SEMA3A: variants seen among roughly 807,000 people sequenced by gnomAD.
The protein encoded by SEMA3A is semaphorin 3A.
SEMA3A carries 29 observed loss-of-function variants against 97.9 expected under a neutral mutation model. The observed-to-expected ratio is 0.30, with a 90% CI of 0.22 to 0.40. SEMA3A has a LOEUF of 0.40. Among genes scored for constraint, SEMA3A ranks in the 10% least tolerant of loss-of-function variants. The pLI, the probability that SEMA3A is intolerant of heterozygous loss-of-function variation, is 1.00. For synonymous variants in SEMA3A, 321 were observed against 323.7 expected (o/e 0.99, Z 0.09); for missense variants, 763 against 951.3 (o/e 0.80, Z 2.60).
intron 4 of SEMA3A, among the ~76,000 whole-genome samples, chr7:84,091,281 AAAG>A (rs1324397681): frequency 1.5e-5 from 2 of 130,906 alleles, no homozygotes; most frequent in South Asian, 2.3e-4. Context: ...GAAAGAAAAG[AAAG>A]AAAGAAAGAA....
At chr7:84,386,689 T>C (rs1562928627) in intron 1 of SEMA3A, among the ~76,000 whole-genome samples, 1 of 152,150 alleles carries the variant, frequency 6.6e-6, no homozygotes, top group South Asian at 2.1e-4. Flanking sequence ...AAACAGGCAG[T>C]ATATTCCAAT....
At chr7:84,302,607 C>G (rs749548635) in intron 3 of SEMA3A, among the ~76,000 whole-genome samples, 2 of 152,068 alleles carry the variant, frequency 1.3e-5, no homozygotes. Flanking sequence ...TTTAATTTTA[C>G]TCATTGACAG....
At chr7:84,310,884 G>T (rs979991400) in intron 2 of SEMA3A, among the ~76,000 whole-genome samples, 1 of 151,808 alleles carries the variant, frequency 6.6e-6, no homozygotes, top group African/African-American at 2.4e-5. Context: ...TCATGAGAGG[G>T]TGGGAAGATG....
rs749889921 is a variant in SEMA3A at position 83,980,603 on chromosome 7, C to CAAAAAAA, written c.1652+711_1652+717dup. On this transcript the variant is annotated intron_variant, in intron 14 of 16. Transcript: ENST00000265362. Reference sequence around the variant, plus strand: ...CTGGTGACAGAGTGAGACTCCATCTCAAAAAAAAAAAAAAAAAAAAATATA... The same window carrying CAAAAAAA: ...CTGGTGACAGAGTGAGACTCCATCTCAAAAAAAAAAAAAAAAAAAAAAAAAAAATATA... Among the ~76,000 whole-genome samples the CAAAAAAA allele has an allele frequency of 5.4e-3, 292 of 53,952 alleles. 17 individuals carry two copies. The highest frequency in any genetic ancestry group is 6.7e-3 in the African/African-American group (92 of 13,796). The allele number at this position is 53,952 out of a possible 152,430, so 35.4% of individuals were successfully genotyped here. A position where few individuals can be genotyped will look rare whatever the true frequency, so the allele number is the denominator to read the frequency against.
At chr7:84,315,079 ACAAGT>A (rs1801461909) in intron 2 of SEMA3A, among the ~76,000 whole-genome samples, 1 of 152,156 alleles carries the variant, frequency 6.6e-6, no homozygotes, top group Non-Finnish European at 1.5e-5. Context: ...AATGAGATCA[ACAAGT>A]CAATCATTTC....
At chr7:84,248,601 T>C (rs1220032264) in intron 3 of SEMA3A, among the ~76,000 whole-genome samples, 2 of 152,176 alleles carry the variant, frequency 1.3e-5, no homozygotes, top group Non-Finnish European at 2.9e-5. Context: ...TTTAGCTCTA[T>C]TATCTATGAG....
At chr7:83,993,332 TTA>T (rs1476576145) in intron 12 of SEMA3A, among the ~76,000 whole-genome samples, 1 of 149,170 alleles carries the variant, frequency 6.7e-6, no homozygotes, top group African/African-American at 2.5e-5. Context: ...GTTAATATTG[TTA>T]TGTGTGAATT....
chr7:84,358,695 G>T (rs894693310), intron 2 of SEMA3A, among the ~76,000 whole-genome samples: 6 of 152,048 alleles, frequency 3.9e-5, no homozygotes, highest in Non-Finnish European at 8.8e-5. Context: ...TAGCTTGATG[G>T]GGATGGCATT....
intron 3 of SEMA3A, among the ~76,000 whole-genome samples, chr7:84,252,184 G>A (rs1330651261): frequency 6.6e-6 from 1 of 152,094 alleles, no homozygotes; most frequent in Non-Finnish European, 1.5e-5. Flanking sequence ...CAGAGACTTT[G>A]GTAAGTGTTC....
chr7:84,377,269 G>A (rs1355723590), intron 1 of SEMA3A, among the ~76,000 whole-genome samples: 1 of 151,994 alleles, frequency 6.6e-6, no homozygotes, highest in Non-Finnish European at 1.5e-5. Context: ...GACTTATTAA[G>A]GACACTGTCC....
At chr7:84,371,365 T>G (rs1471340925) in intron 2 of SEMA3A, among the ~76,000 whole-genome samples, 1 of 151,790 alleles carries the variant, frequency 6.6e-6, no homozygotes, top group African/African-American at 2.4e-5. Context: ...ATAATAACAT[T>G]TAGAATTGGC....
intron 1 of SEMA3A, among the ~76,000 whole-genome samples, chr7:84,391,053 G>T (rs569852197): frequency 3.3e-5 from 5 of 152,232 alleles, no homozygotes; most frequent in Admixed American, 6.5e-5. Context: ...TTAGAGCTTG[G>T]CAGGGTTAGA....
At chr7:84,310,865 A>T (rs1417226933) in intron 2 of SEMA3A, among the ~76,000 whole-genome samples, 1 of 151,836 alleles carries the variant, frequency 6.6e-6, no homozygotes, top group Non-Finnish European at 1.5e-5. Context: ...CTCGCCTTCC[A>T]TTTGTCTCTC....
chr7:84,402,441 C>T (rs986343968), intron 1 of SEMA3A, among the ~76,000 whole-genome samples: 2 of 152,078 alleles, frequency 1.3e-5, no homozygotes, highest in African/African-American at 4.8e-5. Flanking sequence ...TATGGACATT[C>T]CTCAAAAAAC....
chr7:84,414,276 C>T (rs528111505), intron 1 of SEMA3A, among the ~76,000 whole-genome samples: 27 of 151,894 alleles, frequency 1.8e-4, no homozygotes, highest in Non-Finnish European at 3.8e-4. Flanking sequence ...ACTCCCCTAA[C>T]CATTTCCATT....
chr7:84,299,309 C>CATAT (rs3077893), intron 3 of SEMA3A, among the ~76,000 whole-genome samples: 79 of 82,100 alleles, frequency 9.6e-4, no homozygotes, highest in African/African-American at 1.6e-3. Flanking sequence ...TATATATCTC[C>CATAT]ATATATATAT....
chr7:84,384,691 A>G (rs1803355704), intron 1 of SEMA3A, among the ~76,000 whole-genome samples: 1 of 152,180 alleles, frequency 6.6e-6, no homozygotes, highest in African/African-American at 2.4e-5. Context: ...TTAGAACAAG[A>G]GAGATATTGA....
At chr7:84,369,348 T>A (rs992276308) in intron 2 of SEMA3A, among the ~76,000 whole-genome samples, 2 of 151,162 alleles carry the variant, frequency 1.3e-5, no homozygotes, top group African/African-American at 2.4e-5. Context: ...AATGAGCTGT[T>A]GAAAGTGACT....
intron 1 of SEMA3A, among the ~76,000 whole-genome samples, chr7:84,399,026 G>T (rs991603135): frequency 6.6e-6 from 1 of 152,050 alleles, no homozygotes; most frequent in Non-Finnish European, 1.5e-5. Context: ...AAGAAAATAT[G>T]CATTGAATAG....
Sources: gnomAD v4.1 joint callset for allele counts (sites outside exome capture counted in the v4.1 genomes callset) on GRCh38, gnomAD v4.1.1 for gene constraint, MANE v1.5 for transcripts, NCBI Gene and HGNC (gene_info 2026-07-23, HGNC 2026-07-21) for gene names.